The following LCORL variants were observed in gnomAD, a reference collection of about 807,000 sequenced individuals.
The protein encoded by LCORL is ligand dependent nuclear receptor corepressor like, also known as ligand-dependent nuclear receptor corepressor-like protein.
Under a neutral mutation model 141.8 loss-of-function variants are expected in LCORL, and 41 were observed. The observed-to-expected ratio is 0.29, with a 90% CI of 0.23 to 0.38. The LOEUF (loss-of-function observed/expected upper bound fraction) is 0.38. Ranked by LOEUF, LCORL falls within the 10% of genes least tolerant of loss-of-function variation. LCORL has a pLI of 1.00. For synonymous variants in LCORL, 618 were observed against 694.1 expected (o/e 0.89, Z 1.72); for missense variants, 1,759 against 2,035.0 (o/e 0.86, Z 2.61).
At chr4:18,002,508 AGAC>A (rs1406359979) in intron 1 of LCORL, among the ~76,000 whole-genome samples, 1 of 152,206 alleles carries the variant, frequency 6.6e-6, no homozygotes, top group East Asian at 1.9e-4. Flanking sequence ...AGCAACAGTA[AGAC>A]AACATGTCAT....
chr4:17,882,544 T>C, intron 6 of LCORL: 2 of 984,722 alleles, frequency 2.0e-6, no homozygotes, highest in Non-Finnish European at 2.4e-6. Flanking sequence ...GTAGAGAGTT[T>C]ACATTACTGA....
chr4:17,964,866 CTT>C (rs1553878210), intron 2 of LCORL, among the ~76,000 whole-genome samples: 155 of 141,558 alleles, frequency 1.1e-3, no homozygotes, highest in African/African-American at 3.7e-3. Context: ...TCTTACTGCC[CTT>C]TTTTTTTTTT....
chr4:17,955,391 G>T (rs1335152337), intron 4 of LCORL, among the ~76,000 whole-genome samples: 1 of 152,156 alleles, frequency 6.6e-6, no homozygotes, highest in Non-Finnish European at 1.5e-5. Context: ...AAGGTGGAAA[G>T]TGGAGATGGC....
chr4:18,010,615 A>G (rs1723590282), intron 1 of LCORL, among the ~76,000 whole-genome samples: 1 of 148,472 alleles, frequency 6.7e-6, no homozygotes, highest in South Asian at 2.2e-4. Context: ...ACGCCTGGCT[A>G]ATTTTTGTAT....
intron 2 of LCORL, among the ~76,000 whole-genome samples, chr4:17,971,464 A>C (rs181772584): frequency 6.6e-5 from 10 of 151,986 alleles, no homozygotes; most frequent in African/African-American, 1.9e-4. Context: ...GCAAAAAAAA[A>C]ACACTAGAAA....
At chr4:17,892,599 C>A (rs61457151) in intron 5 of LCORL, among the ~76,000 whole-genome samples, 1 of 151,236 alleles carries the variant, frequency 6.6e-6, no homozygotes, top group South Asian at 2.1e-4. Context: ...ATTCATTAAT[C>A]TACTATTTAT....
At chr4:17,950,790 G>A (rs1239852491) in intron 4 of LCORL, among the ~76,000 whole-genome samples, 9 of 151,012 alleles carry the variant, frequency 6.0e-5, no homozygotes, top group South Asian at 4.2e-4. Flanking sequence ...ACTTGACACC[G>A]AATCTTAAAA....
intron 1 of LCORL, among the ~76,000 whole-genome samples, chr4:18,012,532 A>G (rs1024244541): frequency 9.8e-5 from 15 of 152,352 alleles, no homozygotes; most frequent in African/African-American, 3.6e-4. Context: ...TATACCCCCA[A>G]GCAATGGTCA....
chr4:17,974,271 C>T (rs1411519371), intron 1 of LCORL, among the ~76,000 whole-genome samples: 1 of 152,086 alleles, frequency 6.6e-6, no homozygotes, highest in Non-Finnish European at 1.5e-5. Context: ...ATGCTACTAT[C>T]TCTCTTCCGC....
At chr4:17,945,956 T>C (rs2109506294) in intron 4 of LCORL, among the ~76,000 whole-genome samples, 1 of 151,964 alleles carries the variant, frequency 6.6e-6, no homozygotes, top group East Asian at 1.9e-4. Context: ...GAGACAAAAT[T>C]TAAAAAGAAA....
intron 5 of LCORL, among the ~76,000 whole-genome samples, chr4:17,902,229 A>C (rs1046399753): frequency 6.6e-6 from 1 of 152,126 alleles, no homozygotes; most frequent in African/African-American, 2.4e-5. Context: ...CTAAAGGGCA[A>C]TATGAAGCCA....
At chr4:17,930,690 G>A (rs942132191) in intron 4 of LCORL, among the ~76,000 whole-genome samples, 4 of 152,068 alleles carry the variant, frequency 2.6e-5, no homozygotes, top group Non-Finnish European at 5.9e-5. Context: ...ATAGGATTAC[G>A]TTTGACGCTT....
chr4:17,894,404 T>C (rs1456362778), intron 5 of LCORL, among the ~76,000 whole-genome samples: 1 of 152,216 alleles, frequency 6.6e-6, no homozygotes, highest in Non-Finnish European at 1.5e-5. Flanking sequence ...TTAAAAATTA[T>C]TGCAGACCTT....
At chr4:17,863,264 T>C (rs749246255) in intron 7 of LCORL, among the ~76,000 whole-genome samples, 25 of 152,090 alleles carry the variant, frequency 1.6e-4, no homozygotes, top group Non-Finnish European at 3.4e-4. Context: ...GGCAGTGAGC[T>C]GAGATTGTGC....
exon 8 of LCORL, chr4:17,843,516 C>A: frequency 7.0e-7 from 1 of 1,424,088 alleles, no homozygotes; most frequent in Non-Finnish European, 9.6e-7. Context: ...CAGAACAAAC[C>A]TGATGTCTTT....
chr4:17,990,855 G>T (rs1193796349), intron 1 of LCORL, among the ~76,000 whole-genome samples: 3 of 151,838 alleles, frequency 2.0e-5, no homozygotes, highest in African/African-American at 7.3e-5. Flanking sequence ...AAAGATATCT[G>T]GCTTTTAGCA....
chr4:17,853,936 G>C (rs200320296), intron 7 of LCORL, among the ~76,000 whole-genome samples: 1 of 152,100 alleles, frequency 6.6e-6, no homozygotes, highest in African/African-American at 2.4e-5. Context: ...TTTGCGGCTT[G>C]GTAAGGAGGC....
At chr4:17,990,322 A>G (rs1232634962) in intron 1 of LCORL, among the ~76,000 whole-genome samples, 2 of 151,676 alleles carry the variant, frequency 1.3e-5, no homozygotes, top group Non-Finnish European at 2.9e-5. Flanking sequence ...GATGGTCTTG[A>G]TCTCCTGACC....
At chr4:17,873,918 G>A in exon 7 of LCORL, 1 of 1,233,932 alleles carries the variant, frequency 8.1e-7, no homozygotes, top group Non-Finnish European at 1.0e-6. Flanking sequence ...TTTTGCTTCT[G>A]ACTTAAATTT....
Sources: gnomAD v4.1 joint callset for allele counts (sites outside exome capture counted in the v4.1 genomes callset) on GRCh38, gnomAD v4.1.1 for gene constraint, MANE v1.5 for transcripts, NCBI Gene and HGNC (gene_info 2026-07-23, HGNC 2026-07-21) for gene names.